The following ADPGK variants were observed in gnomAD, a reference collection of about 807,000 sequenced individuals.
ADPGK encodes ADP-dependent glucokinase.
Under a neutral mutation model 42.4 loss-of-function variants are expected in ADPGK, and 26 were observed. The observed-to-expected ratio is 0.61, with a 90% CI of 0.45 to 0.85. ADPGK has a LOEUF of 0.85. Among genes scored for constraint, ADPGK ranks in the 40% least tolerant of loss-of-function variants. ADPGK has a pLI of 0.00. For synonymous variants in ADPGK, 267 were observed against 252.6 expected, an observed-to-expected ratio of 1.06 and a Z score of -0.54; for missense variants, 571 against 627.0, an observed-to-expected ratio of 0.91 and a Z score of 0.95.
chr15:72,775,274 T>C (rs1595803505), intron 1 of ADPGK, 177 bp from the exon 2 acceptor site: 1 of 604,850 alleles, frequency 1.7e-6, no homozygotes, highest in East Asian at 2.8e-5. Context: ...TTTAACTGGA[T>C]TTATGTATTA....
chr15:72,762,939 C>T (rs913244704), intron 3 of ADPGK, among the ~76,000 whole-genome samples: 4 of 152,106 alleles, frequency 2.6e-5, no homozygotes, highest in Non-Finnish European at 5.9e-5. Context: ...CATGCCACTG[C>T]ACTCTGGCAT....
At chr15:72,771,870 G>C (rs1482388680) in intron 2 of ADPGK, 25 bp from the exon 3 acceptor site, 1 of 1,574,428 alleles carries the variant, frequency 6.4e-7, no homozygotes, top group Non-Finnish European at 8.6e-7. Context: ...AAGGCTTTTA[G>C]ACAGTATTTT....
intron 2 of ADPGK, among the ~76,000 whole-genome samples, chr15:72,773,300 G>T (rs1448308921): frequency 1.3e-5 from 2 of 152,272 alleles, no homozygotes; most frequent in East Asian, 3.9e-4. Context: ...ATTCAGGTGG[G>T]ACAGTAATAG....
chr15:72,767,922 AT>A (rs2066279818), intron 3 of ADPGK, among the ~76,000 whole-genome samples: 1 of 152,186 alleles, frequency 6.6e-6, no homozygotes, highest in African/African-American at 2.4e-5. Flanking sequence ...AGCAAGTCAA[AT>A]CTGAAGCAAG....
chr15:72,775,140 A>C (rs781285705), intron 1 of ADPGK, 43 bp from the exon 2 acceptor site: 2 of 1,535,488 alleles, frequency 1.3e-6, no homozygotes, highest in East Asian at 4.5e-5. Context: ...CAGAAGCACC[A>C]AGTAGCCATT....
rs748828559 is a variant in ADPGK, at chr15:72,756,392, G to A, written c.699C>T (p.His233=). 37 of 1,614,072 alleles carry A rather than the reference G, an allele frequency of 2.3e-5. No homozygotes were observed. The highest frequency in any genetic ancestry group is 2.8e-5 in the Non-Finnish European group (33 of 1,180,040). The change falls in exon 5 of 7, where the codon CAC becomes CAT. Residue 233 remains histidine, a synonymous_variant. Transcript: ENST00000456471. ...TATTCATGGCCCCGTTGGAGAGGTC[G>A]TGAGAGAAGATGAATCGGTTGGCAT... is the stretch of plus-strand genomic sequence containing the variant. ...APHANRFIFS[H]DLSNGAMNML...
At chr15:72,780,301 A>C (rs575578456) in intron 1 of ADPGK, among the ~76,000 whole-genome samples, 1 of 152,226 alleles carries the variant, frequency 6.6e-6, no homozygotes, top group African/African-American at 2.4e-5. Context: ...AGCCGTGCCG[A>C]GTGAATAGCA....
chr15:72,758,172 C>T (rs2066140625), intron 4 of ADPGK: 8 of 1,569,898 alleles, frequency 5.1e-6, no homozygotes, highest in South Asian at 1.1e-5. Flanking sequence ...GACACAAACA[C>T]CTCCAGCATA....
At chr15:72,768,698 G>T (rs1046400807) in intron 3 of ADPGK, among the ~76,000 whole-genome samples, 2 of 151,816 alleles carry the variant, frequency 1.3e-5, no homozygotes, top group Non-Finnish European at 1.5e-5. Flanking sequence ...GAAGATAGGT[G>T]TGGTGGCTCA....
chr15:72,760,198 G>A (rs2066174501), intron 4 of ADPGK: 2 of 401,280 alleles, frequency 5.0e-6, no homozygotes, highest in Non-Finnish European at 8.3e-6. Flanking sequence ...GTAGACCTGG[G>A]AATTTTCTTC....
chr15:72,760,895 T>C (rs1334962683), intron 3 of ADPGK, among the ~76,000 whole-genome samples: 1 of 152,104 alleles, frequency 6.6e-6, no homozygotes, highest in African/African-American at 2.4e-5. Context: ...TATTTGGAGA[T>C]AGGGCTTTTG....
chr15:72,769,830 T>C (rs2066307546), intron 3 of ADPGK, among the ~76,000 whole-genome samples: 4 of 152,100 alleles, frequency 2.6e-5, no homozygotes, highest in Admixed American at 2.0e-4. Context: ...TCACCAGTTT[T>C]AACTTCTCCA....
chr15:72,772,760 A>C (rs572308596), intron 2 of ADPGK, among the ~76,000 whole-genome samples: 15 of 152,146 alleles, frequency 9.9e-5, no homozygotes, highest in Non-Finnish European at 2.2e-4. Flanking sequence ...GTAAATTCTA[A>C]AGATAATGGG....
At chr15:72,768,737 T>C (rs2066290212) in intron 3 of ADPGK, among the ~76,000 whole-genome samples, 1 of 151,902 alleles carries the variant, frequency 6.6e-6, no homozygotes, top group Non-Finnish European at 1.5e-5. Context: ...TTTGGGAGGC[T>C]AAGGCAGGCG....
intron 2 of ADPGK, 103 bp downstream of exon 2, chr15:72,774,766 CCCT>C (rs919068403): frequency 1.0e-6 from 1 of 999,140 alleles, no homozygotes; most frequent in African/African-American, 1.6e-5. Flanking sequence ...GATTTTGCTC[CCCT>C]CCTCTTCAAA....
Position 72,752,615 on chromosome 15 carries a change from G to A in ADPGK, c.1220C>T (p.Ala407Val). The change falls in exon 7 of 7, where the codon GCT becomes GTT. Residue 407 changes from alanine to valine, a missense_variant. This residue lies in a region of ADPGK where 434 missense variants were observed against 522.7 expected (regional missense o/e 0.83). Transcript: ENST00000456471. ...ANQLAAVAAGARVAGTQACAT... is the reference protein window; with the variant it reads ...ANQLAAVAAGVRVAGTQACAT... ...GCAGGCCTGTGTCCCAGCCACACGA[G>A]CTCCTGCAGCCACGGCTGCCAGCTG... is the stretch of plus-strand genomic sequence containing the variant. 1 of 1,614,254 alleles carries A rather than the reference G, an allele frequency of 6.2e-7. No individual in the cohort carries two copies.
Position 72,758,393 on chromosome 15 carries a change from TG to T in ADPGK, c.644-1947del, listed in dbSNP as rs1326498156. 35 of 545,616 alleles carry T rather than the reference TG, an allele frequency of 6.4e-5. No homozygotes were observed. In the Admixed American group the frequency reaches 9.7e-4, roughly 15 times the overall value. 33.8% of individuals were successfully genotyped at this position (545,616 alleles called of 1,614,324 possible). ...TGGATTCCCAGCCCAAGCCTGACAATGGGCTTCTCTGGGGAGATCTGGTAAG... is the reference window on the plus strand; with the variant it reads ...TGGATTCCCAGCCCAAGCCTGACAATGGCTTCTCTGGGGAGATCTGGTAAG... On this transcript the variant is annotated intron_variant, in intron 4 of 6. Coordinates refer to ENST00000456471, the MANE Select transcript of ADPGK (RefSeq NM_001365225.1).
In ADPGK at chr15:72,783,617, T is replaced by C; in HGVS notation, c.75A>G (p.Pro25=). 2 of 1,515,954 alleles carry C rather than the reference T, an allele frequency of 1.3e-6. No individual in the cohort carries two copies. Among genetic ancestry groups the C allele is most frequent in the Non-Finnish European group, 1.8e-6 (2 of 1,139,980 alleles). 93.9% of individuals were successfully genotyped at this position (1,515,954 alleles called of 1,614,324 possible). The change falls in exon 1 of 7, where the codon CCA becomes CCG. Residue 25 remains proline, a synonymous_variant. Transcript: ENST00000456471. ...LAVGCVFLLE[P]ELPGSALRSL... is the part of the protein sequence containing the mutation. ...AGCGCAGCGCCGAGCCTGGCAGCTC[T>C]GGCTCCAGCAGGAAGACGCAGCCCA...
At position 72,760,382 on chromosome 15, in the gene ADPGK, C is replaced by G. The variant is rs772840492; in HGVS notation, c.643+25G>C. On this transcript the variant is annotated intron_variant, in intron 4 of 6. Transcript: ENST00000456471. ...TACACAGCCCCTTGACTGGTCTTGCCACCATTACTTACTCATTTCCTTACC... is the reference window on the plus strand; with the variant it reads ...TACACAGCCCCTTGACTGGTCTTGCGACCATTACTTACTCATTTCCTTACC... The G allele has an allele frequency of 1.0e-5, 16 of 1,576,236 alleles. No homozygotes were observed. In the South Asian group the frequency reaches 1.8e-4, roughly 18 times the overall value.
Sources: allele counts gnomAD v4.1 joint callset (sites outside exome capture counted in the v4.1 genomes callset), GRCh38; gene constraint gnomAD v4.1.1; regional missense constraint gnomAD v4.1.1; transcripts MANE v1.5; gene names NCBI Gene and HGNC (gene_info 2026-07-23, HGNC 2026-07-21).